The following PRKD1 variants were observed in gnomAD, a reference collection of about 807,000 sequenced individuals.
PRKD1 encodes serine/threonine-protein kinase D1.
A neutral mutation model predicts 95.9 loss-of-function variants in PRKD1; 63 were observed. The ratio of observed to expected loss-of-function variants is 0.66; its 90% CI spans 0.54 to 0.81. The LOEUF (loss-of-function observed/expected upper bound fraction) is 0.81. Among genes scored for constraint, PRKD1 ranks in the 30% least tolerant of loss-of-function variants. The pLI is 0.00. For synonymous variants in PRKD1, 425 were observed against 423.1 expected, an observed-to-expected ratio of 1.00 and a Z score of -0.05; for missense variants, 1,048 against 1,165.3, an observed-to-expected ratio of 0.90 and a Z score of 1.47.
intron 2 of PRKD1, among the ~76,000 whole-genome samples, chr14:29,716,427 C>G (rs1345806111): frequency 6.6e-6 from 1 of 152,118 alleles, no homozygotes; most frequent in African/African-American, 2.4e-5. Context: ...TAGGCAGGGA[C>G]AGCTGTTCTG....
At chr14:29,597,853 A>G in intron 15 of PRKD1, 95 bp from the exon 16 acceptor site, 1 of 1,239,560 alleles carries the variant, frequency 8.1e-7, no homozygotes, top group Non-Finnish European at 1.1e-6. Context: ...AATATTTTAA[A>G]TACTTTACCT....
chr14:29,810,525 A>G (rs1890438685), intron 1 of PRKD1, among the ~76,000 whole-genome samples: 1 of 152,246 alleles, frequency 6.6e-6, no homozygotes, highest in Non-Finnish European at 1.5e-5. Context: ...TTTTTATAAG[A>G]ATCTTTCATT....
chr14:29,863,056 C>T (rs1892764177), intron 1 of PRKD1, among the ~76,000 whole-genome samples: 1 of 152,260 alleles, frequency 6.6e-6, no homozygotes, highest in South Asian at 2.1e-4. Flanking sequence ...TTTTGCCACT[C>T]TTTATAGAGA....
chr14:29,581,183 T>C (rs1246881943), intron 16 of PRKD1, among the ~76,000 whole-genome samples: 1 of 152,162 alleles, frequency 6.6e-6, no homozygotes, highest in Non-Finnish European at 1.5e-5. Context: ...CTCACCTCTA[T>C]AGTTCCTTCA....
intron 2 of PRKD1, among the ~76,000 whole-genome samples, chr14:29,706,192 C>T (rs1370890881): frequency 3.3e-5 from 5 of 152,062 alleles, no homozygotes; most frequent in East Asian, 3.9e-4. Context: ...TTCCTAATGA[C>T]GAATGATGCT....
intron 1 of PRKD1, among the ~76,000 whole-genome samples, chr14:29,877,933 A>G (rs752493199): frequency 6.6e-6 from 1 of 152,244 alleles, no homozygotes; most frequent in African/African-American, 2.4e-5. Context: ...GATGAGGAAC[A>G]TGAGGTACAT....
chr14:29,794,947 G>C (rs1333188836), intron 1 of PRKD1, among the ~76,000 whole-genome samples: 1 of 152,044 alleles, frequency 6.6e-6, no homozygotes, highest in Non-Finnish European at 1.5e-5. Context: ...GCTTTTTAGT[G>C]ATTTAATAAT....
At chr14:29,701,105 A>T (rs1884822489) in intron 2 of PRKD1, among the ~76,000 whole-genome samples, 1 of 152,108 alleles carries the variant, frequency 6.6e-6, no homozygotes, top group Non-Finnish European at 1.5e-5. Context: ...TGTCTACTTT[A>T]GTACTGATTG....
At chr14:29,825,643 T>C (rs971312767) in intron 1 of PRKD1, among the ~76,000 whole-genome samples, 5 of 152,138 alleles carry the variant, frequency 3.3e-5, no homozygotes, top group Non-Finnish European at 5.9e-5. Flanking sequence ...TTCAACTGCA[T>C]TTTAGTCCTC....
intron 13 of PRKD1, among the ~76,000 whole-genome samples, chr14:29,605,437 T>A (rs1893670102): frequency 6.6e-6 from 1 of 152,126 alleles, no homozygotes; most frequent in South Asian, 2.1e-4. Context: ...AGCCACACTC[T>A]CTCCTTTCTA....
At chr14:29,817,289 A>T (rs1013711061) in intron 1 of PRKD1, among the ~76,000 whole-genome samples, 1 of 152,144 alleles carries the variant, frequency 6.6e-6, no homozygotes, top group African/African-American at 2.4e-5. Context: ...CCTTCTCCCA[A>T]CTAAGCCAAG....
At chr14:29,678,656 T>C (rs7160331) in intron 2 of PRKD1, among the ~76,000 whole-genome samples, 78,966 of 152,038 alleles carry the variant, frequency 0.52, 23,138 homozygotes, top group African/African-American at 0.8. Context: ...TGTGTGCACA[T>C]ATTAGGGCAA....
chr14:29,621,757 TG>T (rs1271730300), intron 13 of PRKD1, among the ~76,000 whole-genome samples: 2 of 152,136 alleles, frequency 1.3e-5, no homozygotes, highest in Admixed American at 6.6e-5. Flanking sequence ...CCTAGAACAG[TG>T]TTTGGCTCAT....
intron 2 of PRKD1, among the ~76,000 whole-genome samples, chr14:29,711,992 A>C (rs1885355883): frequency 6.6e-6 from 1 of 152,190 alleles, no homozygotes; most frequent in Admixed American, 6.6e-5. Context: ...CAACTTAGAC[A>C]TTTAAACTTA....
At chr14:29,647,864 C>T (rs1881230767) in intron 4 of PRKD1, among the ~76,000 whole-genome samples, 1 of 152,150 alleles carries the variant, frequency 6.6e-6, no homozygotes, top group Admixed American at 6.5e-5. Context: ...ACAAAGAAAA[C>T]AGATGCCTTT....
chr14:29,800,191 T>C (rs1431196540), intron 1 of PRKD1, among the ~76,000 whole-genome samples: 1 of 152,226 alleles, frequency 6.6e-6, no homozygotes, highest in Non-Finnish European at 1.5e-5. Context: ...ACCCACCCTG[T>C]ATTTCTCCCA....
At position 29,725,545 on chromosome 14, in the gene PRKD1, C is replaced by A; in HGVS notation, c.394G>T (p.Val132Phe). 6.2e-7 allele frequency: 1 copy of A among 1,613,490 alleles called. No homozygotes were observed. Among genetic ancestry groups the A allele is most frequent in the Non-Finnish European group, 8.5e-7 (1 of 1,179,584 alleles). Residue 132 changes from valine to phenylalanine, a missense_variant, in exon 2 of 18, where the codon GTC (valine) becomes TTC (phenylalanine). Physicochemically the swap from Val to Phe is conservative, Grantham distance 50. Around this residue, in one of 3 missense-constraint regions of PRKD1, gnomAD observed 275 missense variants for 248.6 expected, o/e 1.11. Coordinates refer to ENST00000331968, the MANE Select transcript of PRKD1 (RefSeq NM_002742.3). ...DIQEGDLIEV[V>F]LSASATFEDF... The stretch of plus-strand genomic sequence containing the variant: ...TATAAAAGTATACTACCTGACAAGA[C>A]CACTTCAATAAGATCGCCTTCCTGG...
intron 16 of PRKD1, among the ~76,000 whole-genome samples, chr14:29,579,568 T>A (rs890160169): frequency 6.6e-6 from 1 of 152,134 alleles, no homozygotes; most frequent in South Asian, 2.1e-4. Context: ...TGTATGGACC[T>A]GAAGATACAG....
intron 4 of PRKD1, among the ~76,000 whole-genome samples, chr14:29,652,351 C>G (rs934270558): frequency 1.3e-4 from 20 of 152,140 alleles, no homozygotes; most frequent in Non-Finnish European, 7.4e-5. Flanking sequence ...CCCCTCCCAG[C>G]AGGGTTCATG....
Sources: gnomAD v4.1 joint callset for allele counts (sites outside exome capture counted in the v4.1 genomes callset) on GRCh38, gnomAD v4.1.1 for gene constraint, gnomAD v4.1.1 regional missense constraint, MANE v1.5 for transcripts, NCBI Gene and HGNC (gene_info 2026-07-23, HGNC 2026-07-21) for gene names.